LUZP2: variants seen among roughly 807,000 people sequenced by gnomAD.
LUZP2 encodes leucine zipper protein 2.
Under a neutral mutation model 51.6 loss-of-function variants are expected in LUZP2, and 52 were observed. That is an observed-to-expected ratio of 1.01 (90% CI 0.81 to 1.27). The LOEUF is 1.27. Ranked by LOEUF, LUZP2 falls within the 50% of genes most tolerant of loss-of-function variation. The pLI is 0.00. For synonymous variants in LUZP2, 154 were observed against 137.3 expected, an observed-to-expected ratio of 1.12 and a Z score of -0.85; for missense variants, 436 against 395.4, an observed-to-expected ratio of 1.10 and a Z score of -0.87.
chr11:24,964,527 A>G (rs1030387945), intron 7 of LUZP2, among the ~76,000 whole-genome samples: 6 of 152,140 alleles, frequency 3.9e-5, no homozygotes, highest in Admixed American at 3.3e-4. Context: ...ATTTTAAAAG[A>G]TGCATATGTA....
chr11:24,704,685 A>C (rs1194890171), intron 1 of LUZP2, among the ~76,000 whole-genome samples: 4 of 152,146 alleles, frequency 2.6e-5, no homozygotes, highest in African/African-American at 9.7e-5. Context: ...CCATAAGTTC[A>C]AATTCATACA....
At chr11:24,625,031 G>A (rs1408551824) in intron 1 of LUZP2, among the ~76,000 whole-genome samples, 1 of 152,066 alleles carries the variant, frequency 6.6e-6, no homozygotes, top group Non-Finnish European at 1.5e-5. Flanking sequence ...ATTCCCAAAT[G>A]CCATTGACAT....
intron 5 of LUZP2, among the ~76,000 whole-genome samples, chr11:24,792,425 C>CAA (rs112656980): frequency 1.5e-5 from 2 of 130,950 alleles, no homozygotes; most frequent in African/African-American, 2.7e-5. Context: ...GACTCTGTCT[C>CAA]AAAAAAAAAA....
intron 5 of LUZP2, among the ~76,000 whole-genome samples, chr11:24,801,604 G>A (rs1190621546): frequency 6.6e-6 from 1 of 151,694 alleles, no homozygotes; most frequent in South Asian, 2.1e-4. Context: ...ACTCCATATT[G>A]CTTCACTAAG....
rs145670314 is a variant in LUZP2 at position 24,889,605 on chromosome 11, C to A, written c.397-16386C>A. On this transcript the variant is annotated intron_variant, in intron 5 of 11. Coordinates refer to ENST00000336930, the MANE Select transcript of LUZP2 (RefSeq NM_001009909.4). ...GTCCTGTGCCACCATGTTTTTGAAG[C>A]ATATACCATCTGAGAAGAATCTCAG... 3.9e-3 allele frequency among the ~76,000 whole-genome samples: 590 copies of A among 152,286 alleles called. 5 individuals carry two copies. The highest frequency in any genetic ancestry group is 0.013 in the African/African-American group (553 of 41,572).
intron 1 of LUZP2, among the ~76,000 whole-genome samples, chr11:24,652,697 T>C (rs1031853657): frequency 6.6e-6 from 1 of 152,134 alleles, no homozygotes; most frequent in African/African-American, 2.4e-5. Context: ...TTGAAGTGAT[T>C]AATTTTTCAT....
At chr11:24,871,908 T>C (rs1347673095) in intron 5 of LUZP2, among the ~76,000 whole-genome samples, 1 of 152,146 alleles carries the variant, frequency 6.6e-6, no homozygotes, top group Non-Finnish European at 1.5e-5. Flanking sequence ...TATACAGTGA[T>C]GTCTGCATAA....
chr11:24,666,871 G>A (rs1168818882), intron 1 of LUZP2, among the ~76,000 whole-genome samples: 1 of 152,152 alleles, frequency 6.6e-6, no homozygotes, highest in Non-Finnish European at 1.5e-5. Flanking sequence ...GAAAAATCTG[G>A]AAAAGAAGCA....
chr11:25,049,379 C>G (rs1183081165), intron 9 of LUZP2, among the ~76,000 whole-genome samples: 3 of 152,212 alleles, frequency 2.0e-5, no homozygotes, highest in African/African-American at 7.2e-5. Flanking sequence ...TTAAACCTAC[C>G]TATAGCGGTA....
intron 1 of LUZP2, among the ~76,000 whole-genome samples, chr11:24,555,809 T>G (rs2133758472): frequency 6.6e-6 from 1 of 152,212 alleles, no homozygotes; most frequent in Admixed American, 6.5e-5. Context: ...ACCCTTTCTC[T>G]ACAAATAAAG....
At chr11:24,965,261 T>C (rs1258406141) in intron 7 of LUZP2, among the ~76,000 whole-genome samples, 2 of 147,978 alleles carry the variant, frequency 1.4e-5, no homozygotes, top group African/African-American at 5.0e-5. Context: ...AGTTTATGAA[T>C]TGCATACTAG....
At chr11:24,897,496 G>A (rs1361215476) in intron 5 of LUZP2, among the ~76,000 whole-genome samples, 1 of 151,984 alleles carries the variant, frequency 6.6e-6, no homozygotes, top group Non-Finnish European at 1.5e-5. Context: ...TGGACGGGAG[G>A]AACAAACAAC....
intron 4 of LUZP2, among the ~76,000 whole-genome samples, chr11:24,757,600 TAA>T (rs1859822662): frequency 6.6e-6 from 1 of 151,778 alleles, no homozygotes; most frequent in Non-Finnish European, 1.5e-5. Context: ...AAGAGAATTA[TAA>T]AGACTAGACA....
chr11:24,901,142 G>A (rs758230152), intron 5 of LUZP2, among the ~76,000 whole-genome samples: 5 of 152,056 alleles, frequency 3.3e-5, no homozygotes, highest in Non-Finnish European at 7.4e-5. Flanking sequence ...ACGACAGTCT[G>A]GCAGTAGTGG....
intron 5 of LUZP2, among the ~76,000 whole-genome samples, chr11:24,804,761 G>C (rs1439435632): frequency 6.6e-6 from 1 of 152,140 alleles, no homozygotes; most frequent in Non-Finnish European, 1.5e-5. Context: ...GGACCCTCTT[G>C]CTTCTGCTTT....
intron 1 of LUZP2, among the ~76,000 whole-genome samples, chr11:24,548,829 T>G (rs558241544): frequency 6.6e-6 from 1 of 152,166 alleles, no homozygotes; most frequent in African/African-American, 2.4e-5. Context: ...TGCCCAAAAT[T>G]AAATATCAAA....
intron 1 of LUZP2, among the ~76,000 whole-genome samples, chr11:24,559,900 GT>G (rs1168982653): frequency 6.6e-6 from 1 of 152,108 alleles, no homozygotes; most frequent in African/African-American, 2.4e-5. Flanking sequence ...CAAGACTGGT[GT>G]TTTTTTAGGG....
chr11:24,815,170 A>C (rs893243798), intron 5 of LUZP2, among the ~76,000 whole-genome samples: 1 of 151,648 alleles, frequency 6.6e-6, no homozygotes, highest in African/African-American at 2.4e-5. Flanking sequence ...TCATAATTAA[A>C]CCCCCATACA....
chr11:24,630,100 G>T (rs536221204), intron 1 of LUZP2, among the ~76,000 whole-genome samples: 33 of 151,354 alleles, frequency 2.2e-4, no homozygotes, highest in African/African-American at 7.5e-4. Flanking sequence ...TTAGTTCCTT[G>T]TTGGGTATAT....
Sources: allele counts gnomAD v4.1 joint callset (sites outside exome capture counted in the v4.1 genomes callset), GRCh38; gene constraint gnomAD v4.1.1; transcripts MANE v1.5; gene names NCBI Gene and HGNC (gene_info 2026-07-23, HGNC 2026-07-21).